Variants in PRKCH observed in about 807,000 individuals in gnomAD.
PRKCH encodes protein kinase C eta type.
A neutral mutation model predicts 82.5 loss-of-function variants in PRKCH; 28 were observed. The observed-to-expected ratio is 0.34, with a 90% CI of 0.25 to 0.47. PRKCH has a LOEUF of 0.47. Ranked by LOEUF, PRKCH falls within the 20% of genes least tolerant of loss-of-function variation. The pLI is 1.00. For synonymous variants in PRKCH, 322 were observed against 327.4 expected (o/e 0.98, Z 0.18); for missense variants, 705 against 881.8 (o/e 0.80, Z 2.54).
chr14:61,487,189 C>T (rs1223736874), intron 10 of PRKCH, among the ~76,000 whole-genome samples: 5 of 152,022 alleles, frequency 3.3e-5, no homozygotes, highest in Non-Finnish European at 5.9e-5. Flanking sequence ...AGTGCAGATC[C>T]CCTAGACCTC....
intron 1 of PRKCH, among the ~76,000 whole-genome samples, chr14:61,287,204 T>TAAAAAAAAAA (rs35045657): frequency 2.8e-4 from 16 of 57,932 alleles, no homozygotes; most frequent in South Asian, 9.3e-4. Flanking sequence ...GACTCCGTCT[T>TAAAAAAAAAA]AAAAAAAAAA....
chr14:61,291,343 T>C (rs1025891201), intron 1 of PRKCH, among the ~76,000 whole-genome samples: 141 of 126,556 alleles, frequency 1.1e-3, no homozygotes, highest in Non-Finnish European at 2.0e-3. Context: ...TTTTTTTTTT[T>C]TTTTTGAGAC....
chr14:61,420,140 CCTT>C (rs1393080202), intron 2 of PRKCH, among the ~76,000 whole-genome samples: 2 of 152,134 alleles, frequency 1.3e-5, no homozygotes, highest in Admixed American at 1.3e-4. Context: ...GGATTTTTAT[CCTT>C]CTGCCCTTTG....
chr14:61,466,079 T>G (rs758151437), intron 9 of PRKCH, among the ~76,000 whole-genome samples: 42 of 152,246 alleles, frequency 2.8e-4, no homozygotes, highest in Middle Eastern at 3.4e-3. Context: ...CTGCCCAAGA[T>G]AGTGAATTGG....
intron 1 of PRKCH, among the ~76,000 whole-genome samples, chr14:61,260,461 T>C (rs889713656): frequency 6.6e-6 from 1 of 152,112 alleles, no homozygotes; most frequent in African/African-American, 2.4e-5. Context: ...TCAAGAAAAA[T>C]AAAAACTATC....
chr14:61,409,197 C>A (rs1882125594), intron 2 of PRKCH, among the ~76,000 whole-genome samples: 1 of 152,148 alleles, frequency 6.6e-6, no homozygotes, highest in Admixed American at 6.5e-5. Context: ...CAGCCCTGTT[C>A]ATGGGCATGC....
chr14:61,272,185 G>A (rs1197932073), intron 1 of PRKCH, among the ~76,000 whole-genome samples: 8 of 151,678 alleles, frequency 5.3e-5, no homozygotes, highest in South Asian at 2.1e-4. Context: ...CTGAGATTGC[G>A]CCACTGCACT....
chr14:61,333,503 T>G (rs138570955), intron 1 of PRKCH, among the ~76,000 whole-genome samples: 1 of 152,338 alleles, frequency 6.6e-6, no homozygotes, highest in Non-Finnish European at 1.5e-5. Flanking sequence ...TAGAAAATAG[T>G]TACTTAGTAG....
At chr14:61,495,845 T>C (rs778827441) in intron 10 of PRKCH, among the ~76,000 whole-genome samples, 38 of 152,194 alleles carry the variant, frequency 2.5e-4, no homozygotes, top group Non-Finnish European at 5.3e-4. Flanking sequence ...GACAAAAATA[T>C]ATTGAATGTT....
intron 1 of PRKCH, among the ~76,000 whole-genome samples, chr14:61,201,655 A>C (rs1049092331): frequency 9.2e-5 from 14 of 152,184 alleles, no homozygotes; most frequent in Non-Finnish European, 1.8e-4. Flanking sequence ...ATATTATTTA[A>C]CATTACTACA....
chr14:61,385,573 C>T (rs117982890), intron 1 of PRKCH, among the ~76,000 whole-genome samples: 2,076 of 152,216 alleles, frequency 0.014, 29 homozygotes, highest in Admixed American at 0.019. Context: ...CTGTCAAGAT[C>T]AACGTTAATG....
chr14:61,228,096 G>T (rs908186297), intron 1 of PRKCH, among the ~76,000 whole-genome samples: 2 of 152,216 alleles, frequency 1.3e-5, no homozygotes, highest in Admixed American at 6.5e-5. Context: ...TGAGTCATGG[G>T]TCAAATGTTG....
At chr14:61,286,865 AC>A (rs1337182111) in intron 1 of PRKCH, among the ~76,000 whole-genome samples, 1 of 152,028 alleles carries the variant, frequency 6.6e-6, no homozygotes, top group Non-Finnish European at 1.5e-5. Context: ...GAGATGGATA[AC>A]AGAAGGTCTT....
At chr14:61,233,665 GT>G (rs2044762985) in intron 1 of PRKCH, among the ~76,000 whole-genome samples, 1 of 152,118 alleles carries the variant, frequency 6.6e-6, no homozygotes. Context: ...CCCTCATGCT[GT>G]TCTTATAATA....
chr14:61,421,459 G>T (rs1882829383), intron 2 of PRKCH, among the ~76,000 whole-genome samples: 1 of 152,232 alleles, frequency 6.6e-6, no homozygotes, highest in Non-Finnish European at 1.5e-5. Flanking sequence ...TATCTTGAGA[G>T]AATTTATGAA....
chr14:61,524,281 G>A (rs1373928054), intron 10 of PRKCH, among the ~76,000 whole-genome samples: 1 of 152,182 alleles, frequency 6.6e-6, no homozygotes, highest in Non-Finnish European at 1.5e-5. Flanking sequence ...AAACTACTGT[G>A]GGCATTTTAA....
At chr14:61,370,758 A>G (rs966105807) in intron 1 of PRKCH, among the ~76,000 whole-genome samples, 1 of 152,052 alleles carries the variant, frequency 6.6e-6, no homozygotes, top group African/African-American at 2.4e-5. Flanking sequence ...TTTTAGTTGA[A>G]GAGAAGATAC....
At chr14:61,272,329 TTTTCTTTTTTC>T (rs1234944847) in intron 1 of PRKCH, among the ~76,000 whole-genome samples, 18 of 131,044 alleles carry the variant, frequency 1.4e-4, no homozygotes, top group African/African-American at 5.1e-4. Flanking sequence ...TTTCTTTTTC[TTTTCTTTTTTC>T]TTTCTTTTTT....
At chr14:61,328,960 TA>T (rs2045742812) in intron 1 of PRKCH, among the ~76,000 whole-genome samples, 1 of 149,718 alleles carries the variant, frequency 6.7e-6, no homozygotes, top group African/African-American at 2.5e-5. Flanking sequence ...TACTCTAGCT[TA>T]AATGACAGAG....
Sources: allele counts gnomAD v4.1 joint callset (sites outside exome capture counted in the v4.1 genomes callset), GRCh38; gene constraint gnomAD v4.1.1; transcripts MANE v1.5; gene names NCBI Gene and HGNC (gene_info 2026-07-23, HGNC 2026-07-21).